Variants in TLN2 observed in about 807,000 individuals in gnomAD.
TLN2 encodes talin 2.
TLN2 carries 118 observed loss-of-function variants against 294.7 expected under a neutral mutation model. That is an observed-to-expected ratio of 0.40 (90% CI 0.34 to 0.47). The LOEUF is 0.47. Ranked by LOEUF, TLN2 falls within the 20% of genes least tolerant of loss-of-function variation. The probability of loss-of-function intolerance (pLI) is 0.84; values close to 1 mark genes in which losing one functional copy is unlikely to be tolerated. For synonymous variants in TLN2, 1,431 were observed against 1,304.5 expected (o/e 1.10, Z -2.09); for missense variants, 3,083 against 3,282.2 (o/e 0.94, Z 1.48).
At chr15:62,600,538 G>A (rs759933357) in intron 2 of TLN2, among the ~76,000 whole-genome samples, 5 of 152,106 alleles carry the variant, frequency 3.3e-5, no homozygotes, top group Non-Finnish European at 7.4e-5. Context: ...ATCCCAAGAG[G>A]CACTGACAAG....
intron 2 of TLN2, among the ~76,000 whole-genome samples, chr15:62,594,318 T>C (rs1338890564): frequency 6.6e-6 from 1 of 152,150 alleles, no homozygotes; most frequent in African/African-American, 2.4e-5. Flanking sequence ...AGTGATCCTT[T>C]CACTGCAGCC....
intron 28 of TLN2, among the ~76,000 whole-genome samples, chr15:62,728,845 G>C (rs760809362): frequency 2.0e-5 from 3 of 152,020 alleles, no homozygotes; most frequent in Non-Finnish European, 4.4e-5. Flanking sequence ...TGAACAAAAG[G>C]TTTTATTTTA....
chr15:62,567,179 G>A (rs2043473490), intron 1 of TLN2, among the ~76,000 whole-genome samples: 1 of 152,206 alleles, frequency 6.6e-6, no homozygotes, highest in African/African-American at 2.4e-5. Flanking sequence ...AAATATGGTT[G>A]ACTTAACCAG....
chr15:62,781,021 A>G, intron 43 of TLN2, 119 bp from the exon 44 acceptor site: 1 of 712,828 alleles, frequency 1.4e-6, no homozygotes, highest in Admixed American at 2.6e-5. Flanking sequence ...TTGAGTTGAC[A>G]CTGGGCGAAA....
At chr15:62,833,249 C>A in intron 54 of TLN2, 1 of 432,450 alleles carries the variant, frequency 2.3e-6, no homozygotes, top group South Asian at 3.8e-5. Flanking sequence ...TCTCTTAATG[C>A]CTGAAAGGTA....
intron 1 of TLN2, among the ~76,000 whole-genome samples, chr15:62,576,595 A>ATTT (rs3055751): frequency 2.9e-5 from 3 of 103,042 alleles, no homozygotes; most frequent in African/African-American, 7.5e-5. Flanking sequence ...ATTGCTCTGT[A>ATTT]TTTTTTTTTT....
chr15:62,702,642 T>G, intron 18 of TLN2, 124 bp from the exon 19 acceptor site: 2 of 890,882 alleles, frequency 2.2e-6, no homozygotes, highest in Non-Finnish European at 3.6e-6. Context: ...GCAGACCACC[T>G]GAGATTCTCA....
rs200659926 is a variant in TLN2, at chr15:62,400,729, A to AT, written c.-238+10051dup. Among the ~76,000 whole-genome samples, 32 of 151,428 alleles carry AT rather than the reference A, an allele frequency of 2.1e-4. No homozygotes were observed. The East Asian group carries it at 5.4e-3, about 26-fold the overall frequency. The stretch of plus-strand genomic sequence containing the variant: ...TGTGTCACAATCTGATCATTCATGC[A>AT]TTTTTTTGGAGGAAATTAAGCGCAG... On this transcript the variant is annotated intron_variant, in intron 1 of 58. Coordinates refer to ENST00000636159, the MANE Select transcript of TLN2 (RefSeq NM_015059.3).
chr15:62,644,359 G>A (rs373770023), intron 3 of TLN2, among the ~76,000 whole-genome samples: 2 of 151,730 alleles, frequency 1.3e-5, no homozygotes, highest in East Asian at 1.9e-4. Flanking sequence ...ATTTTTTCTC[G>A]TCTGCCAATT....
At chr15:62,410,613 G>C (rs1029098239) in intron 1 of TLN2, among the ~76,000 whole-genome samples, 1 of 152,176 alleles carries the variant, frequency 6.6e-6, no homozygotes, top group Non-Finnish European at 1.5e-5. Flanking sequence ...CATTCTCTCC[G>C]TTAGTGCTTA....
chr15:62,786,864 C>T (rs1317334759), intron 45 of TLN2, among the ~76,000 whole-genome samples: 14 of 152,004 alleles, frequency 9.2e-5, no homozygotes, highest in African/African-American at 2.2e-4. Flanking sequence ...TGGCAAAAAC[C>T]GCAATTACTT....
intron 1 of TLN2, among the ~76,000 whole-genome samples, chr15:62,533,299 T>C (rs1262044644): frequency 1.4e-5 from 2 of 142,346 alleles, no homozygotes; most frequent in Non-Finnish European, 3.0e-5. Flanking sequence ...GGCCCAGGAA[T>C]GGGATCATCT....
At chr15:62,694,638 A>T (rs545788692) in intron 14 of TLN2, among the ~76,000 whole-genome samples, 7 of 152,328 alleles carry the variant, frequency 4.6e-5, no homozygotes, top group Admixed American at 3.3e-4. Context: ...GCGTCTTTTG[A>T]GGCAGTAAGT....
chr15:62,415,016 A>G lies in TLN2; in HGVS notation c.-238+24331A>G, dbSNP rs983818624. 2.0e-4 allele frequency among the ~76,000 whole-genome samples: 28 copies of G among 140,714 alleles called. 6 individuals carry two copies. Among genetic ancestry groups the G allele is most frequent in the Middle Eastern group, 6.4e-3 (2 of 312 alleles). 92.3% of individuals were successfully genotyped at this position (140,714 alleles called of 152,430 possible). On this transcript the variant is annotated intron_variant, in intron 1 of 58. Coordinates refer to ENST00000636159, the MANE Select transcript of TLN2 (RefSeq NM_015059.3). The stretch of plus-strand genomic sequence containing the variant: ...AACCTGTGCCTCCCAGGTTCAAGCA[A>G]TTCTGCCTCAGCCCCCCGAGTAGCT...
At chr15:62,738,124 G>A in intron 29 of TLN2, 90 bp from the exon 30 acceptor site, 1 of 1,491,102 alleles carries the variant, frequency 6.7e-7, no homozygotes, top group African/African-American at 1.4e-5. Flanking sequence ...TTCCGTATCT[G>A]CTTCAGCTCT....
intron 1 of TLN2, among the ~76,000 whole-genome samples, chr15:62,448,427 GCTGAATGAGCTT>G (rs2035936773): frequency 6.6e-6 from 1 of 152,228 alleles, no homozygotes; most frequent in Admixed American, 6.5e-5. Flanking sequence ...TACTGGGCAG[GCTGAATGAGCTT>G]CACTTCTGGA....
intron 19 of TLN2, among the ~76,000 whole-genome samples, chr15:62,706,187 C>T (rs1001369025): frequency 6.7e-5 from 10 of 150,364 alleles, no homozygotes; most frequent in African/African-American, 2.4e-4. Context: ...AAAAATGGCT[C>T]ATATGTTTGG....
At chr15:62,769,738 ATTCT>A (rs1194333721) in intron 41 of TLN2, among the ~76,000 whole-genome samples, 2 of 151,834 alleles carry the variant, frequency 1.3e-5, no homozygotes, top group Non-Finnish European at 2.9e-5. Context: ...CACAACACTC[ATTCT>A]TCTAACATGT....
chr15:62,514,691 T>A (rs1419703884), intron 1 of TLN2, among the ~76,000 whole-genome samples: 1 of 152,224 alleles, frequency 6.6e-6, no homozygotes, highest in African/African-American at 2.4e-5. Context: ...TAATTGTAAT[T>A]GAAGTGTTAA....
Sources: allele counts gnomAD v4.1 joint callset (sites outside exome capture counted in the v4.1 genomes callset), GRCh38; gene constraint gnomAD v4.1.1; transcripts MANE v1.5; gene names NCBI Gene and HGNC (gene_info 2026-07-23, HGNC 2026-07-21).